DMD: variants seen among roughly 807,000 people sequenced by gnomAD.
The protein encoded by DMD is mutant dystrophin.
A neutral mutation model predicts 330.1 loss-of-function variants in DMD; 63 were observed. The ratio of observed to expected loss-of-function variants is 0.19; its 90% CI spans 0.16 to 0.24. The LOEUF (loss-of-function observed/expected upper bound fraction) is 0.24. Ranked by LOEUF, DMD falls within the 10% of genes least tolerant of loss-of-function variation. The pLI, the probability that DMD is intolerant of heterozygous loss-of-function variation, is 1.00. For synonymous variants in DMD, 1,223 were observed against 959.8 expected (o/e 1.27, Z -5.07); for missense variants, 3,344 against 2,684.1 (o/e 1.25, Z -5.43).
chrX:32,737,521 T>C (rs146461462), intron 7 of DMD, among the ~76,000 whole-genome samples: 84 of 111,567 alleles, frequency 7.5e-4, no homozygotes, highest in African/African-American at 2.6e-3. Context: ...CTAAACTATA[T>C]TAGCATGTAG....
At chrX:32,612,122 G>A (rs1018025593) in intron 12 of DMD, among the ~76,000 whole-genome samples, 1 of 111,477 alleles carries the variant, frequency 9.0e-6, no homozygotes, top group Non-Finnish European at 1.9e-5. Flanking sequence ...GGACGTTCAG[G>A]AAGTTACCCT....
intron 7 of DMD, among the ~76,000 whole-genome samples, chrX:32,801,294 T>TC (rs1435969108): frequency 4.5e-5 from 5 of 112,116 alleles, no homozygotes; most frequent in Admixed American, 9.4e-5. Flanking sequence ...AACTTTTTTT[T>TC]CACATACTTG....
chrX:31,975,592 T>A (rs1014206916), intron 44 of DMD, among the ~76,000 whole-genome samples: 7 of 112,198 alleles, frequency 6.2e-5, no homozygotes, highest in Admixed American at 9.5e-5. Context: ...ACTTCAGGCA[T>A]AAAATTCTTT....
At chrX:32,685,834 T>C (rs2062818850) in intron 9 of DMD, among the ~76,000 whole-genome samples, 1 of 111,948 alleles carries the variant, frequency 8.9e-6, no homozygotes. Flanking sequence ...ATTTAATTGA[T>C]AGCATTCTCA....
At chrX:32,742,714 G>A (rs1035984237) in intron 7 of DMD, among the ~76,000 whole-genome samples, 3 of 111,936 alleles carry the variant, frequency 2.7e-5, no homozygotes, top group African/African-American at 9.7e-5. Flanking sequence ...TTGGGCAGTA[G>A]GTATAAGGAA....
At chrX:32,722,894 T>C (rs187593275) in intron 7 of DMD, among the ~76,000 whole-genome samples, 94 of 108,912 alleles carry the variant, frequency 8.6e-4, no homozygotes, top group African/African-American at 3.1e-3. Context: ...ATATTACTTC[T>C]TCCTTTCAGA....
chrX:31,239,306 A>G (rs966668612), intron 63 of DMD, among the ~76,000 whole-genome samples: 1 of 111,965 alleles, frequency 8.9e-6, no homozygotes, highest in Non-Finnish European at 1.9e-5. Flanking sequence ...TTTTAACTCT[A>G]CCTTTTTCTT....
At chrX:32,036,325 A>G (rs2095946163) in intron 44 of DMD, among the ~76,000 whole-genome samples, 1 of 111,591 alleles carries the variant, frequency 9.0e-6, no homozygotes, top group Admixed American at 9.5e-5. Flanking sequence ...GGCAAGAGAT[A>G]GTGTTTTGAA....
intron 47 of DMD, among the ~76,000 whole-genome samples, chrX:31,906,054 T>A (rs997347848): frequency 1.8e-5 from 2 of 111,659 alleles, no homozygotes; most frequent in Non-Finnish European, 3.8e-5. Flanking sequence ...CTGGGAGGGA[T>A]CAGGTGGAGA....
intron 50 of DMD, among the ~76,000 whole-genome samples, chrX:31,803,373 T>G (rs189813655): frequency 8.9e-6 from 1 of 112,749 alleles, no homozygotes; most frequent in African/African-American, 3.2e-5. Flanking sequence ...GATAATCTTT[T>G]GGAAGCTTTT....
chrX:31,702,322 G>A (rs1417247017), intron 52 of DMD, among the ~76,000 whole-genome samples: 1 of 111,646 alleles, frequency 9.0e-6, no homozygotes, highest in Non-Finnish European at 1.9e-5. Flanking sequence ...ATTGTCTCTT[G>A]AACTCTGTAT....
intron 67 of DMD, among the ~76,000 whole-genome samples, chrX:31,188,815 T>G (rs1323855004): frequency 8.9e-6 from 1 of 112,133 alleles, no homozygotes; most frequent in Non-Finnish European, 1.9e-5. Context: ...TTGTCATTAC[T>G]ATTGCTCTGT....
At chrX:32,506,363 CA>C (rs1278624810) in intron 18 of DMD, among the ~76,000 whole-genome samples, 4 of 68,924 alleles carry the variant, frequency 5.8e-5, no homozygotes, top group Non-Finnish European at 8.1e-5. Context: ...ATTAAAATCA[CA>C]AAAAAAGGTT....
chrX:31,416,394 A>AT (rs1459208694), intron 60 of DMD, among the ~76,000 whole-genome samples: 1 of 112,567 alleles, frequency 8.9e-6, no homozygotes, highest in Non-Finnish European at 1.9e-5. Context: ...TTTTAATGAC[A>AT]TCCCCTAACA....
intron 11 of DMD, among the ~76,000 whole-genome samples, chrX:32,637,467 G>A (rs777544631): frequency 1.8e-5 from 2 of 111,625 alleles, no homozygotes; most frequent in East Asian, 5.6e-4. Context: ...CCAACCCCTG[G>A]CTGTTACCCA....
In DMD at chrX:31,182,804, G is replaced by A; in HGVS notation, c.9908C>T (p.Ala3303Val). ...GGCCTGATGCTTGGCAGTTTCTGCAGCAGCCACTCTGTGCAGGACGGGCAG... is the reference window on the plus strand; with the variant it reads ...GGCCTGATGCTTGGCAGTTTCTGCAACAGCCACTCTGTGCAGGACGGGCAG... ...VWLPVLHRVA[A>V]AETAKHQAKC... Residue 3303 changes from alanine to valine, a missense_variant, in exon 68 of 79, where the codon GCT becomes GTT. Physicochemically the swap from Ala to Val is moderately conservative, Grantham distance 64. Coordinates refer to ENST00000357033, the MANE Select transcript of DMD (RefSeq NM_004006.3). 8.3e-7 allele frequency: 1 copy of A among 1,208,187 alleles called. No individual in the cohort carries two copies. Among genetic ancestry groups the A allele is most frequent in the East Asian group, 3.0e-5 (1 of 33,771 alleles).
chrX:32,834,372 A>G (rs2079422277), intron 4 of DMD, among the ~76,000 whole-genome samples: 1 of 112,039 alleles, frequency 8.9e-6, no homozygotes, highest in Admixed American at 9.5e-5. Flanking sequence ...GACATGCTCC[A>G]AAATATGTAT....
intron 18 of DMD, among the ~76,000 whole-genome samples, chrX:32,502,065 T>C (rs2044113585): frequency 8.9e-6 from 1 of 111,906 alleles, no homozygotes; most frequent in Non-Finnish European, 1.9e-5. Flanking sequence ...AATTATAAGA[T>C]TTCTACTCAG....
chrX:32,021,316 C>G (rs2095804305), intron 44 of DMD, among the ~76,000 whole-genome samples: 1 of 110,305 alleles, frequency 9.1e-6, no homozygotes, highest in Non-Finnish European at 1.9e-5. Context: ...AGTTCAAATC[C>G]AGGCAAACTA....
Sources: allele counts gnomAD v4.1 joint callset (sites outside exome capture counted in the v4.1 genomes callset), GRCh38; gene constraint gnomAD v4.1.1; transcripts MANE v1.5; gene names NCBI Gene and HGNC (gene_info 2026-07-23, HGNC 2026-07-21).